IGF2BP3: variants seen among roughly 807,000 people sequenced by gnomAD.
IGF2BP3 encodes the protein insulin-like growth factor 2 mRNA-binding protein 3.
A neutral mutation model predicts 73.8 loss-of-function variants in IGF2BP3; 9 were observed. The observed-to-expected ratio is 0.12, with a 90% CI of 0.07 to 0.21. The LOEUF (loss-of-function observed/expected upper bound fraction) is 0.21. Ranked by LOEUF, IGF2BP3 falls within the 10% of genes least tolerant of loss-of-function variation. IGF2BP3 has a pLI of 1.00. For missense variants in IGF2BP3, 542 were observed against 714.0 expected (o/e 0.76, Z 2.75); for synonymous variants, 258 against 256.7 (o/e 1.01, Z -0.05).
chr7:23,324,082 G>C (rs535799002), intron 10 of IGF2BP3, among the ~76,000 whole-genome samples: 2 of 152,170 alleles, frequency 1.3e-5, no homozygotes, highest in South Asian at 4.2e-4. Flanking sequence ...GAGCAGAACT[G>C]AAGGAAATAG....
At chr7:23,377,803 G>T (rs1785774864) in intron 3 of IGF2BP3, among the ~76,000 whole-genome samples, 1 of 152,124 alleles carries the variant, frequency 6.6e-6, no homozygotes, top group Non-Finnish European at 1.5e-5. Context: ...CTAAAATCTG[G>T]CTGCACCTTG....
At chr7:23,365,163 C>T (rs1275189179) in intron 3 of IGF2BP3, among the ~76,000 whole-genome samples, 1 of 151,962 alleles carries the variant, frequency 6.6e-6, no homozygotes, top group Non-Finnish European at 1.5e-5. Context: ...AAGATTCTGT[C>T]TCAAAATAAA....
At chr7:23,421,032 AAG>A (rs1229466866) in intron 2 of IGF2BP3, among the ~76,000 whole-genome samples, 2 of 152,136 alleles carry the variant, frequency 1.3e-5, no homozygotes, top group Non-Finnish European at 2.9e-5. Context: ...TGTGTGTGAC[AAG>A]AGTCTCGCTC....
At chr7:23,430,157 C>T (rs1271093347) in intron 2 of IGF2BP3, among the ~76,000 whole-genome samples, 3 of 150,756 alleles carry the variant, frequency 2.0e-5, no homozygotes, top group Non-Finnish European at 4.4e-5. Flanking sequence ...GATCTCGGCT[C>T]ACTGCAACCT....
intron 10 of IGF2BP3, 108 bp downstream of exon 10, chr7:23,341,956 C>T: frequency 3.2e-6 from 4 of 1,235,246 alleles, no homozygotes; most frequent in African/African-American, 1.6e-5. Context: ...GCTCCATTAG[C>T]AAGAACTGGA....
At chr7:23,440,003 C>T (rs969982111) in intron 2 of IGF2BP3, among the ~76,000 whole-genome samples, 2 of 152,210 alleles carry the variant, frequency 1.3e-5, no homozygotes, top group Non-Finnish European at 2.9e-5. Context: ...GTGGCTCACA[C>T]CTGTAATCAC....
At position 23,421,132 on chromosome 7, in the gene IGF2BP3, C is replaced by A. The variant is rs141703956; in HGVS notation, c.237-2308G>T. On this transcript the variant is annotated intron_variant, in intron 2 of 14. Coordinates refer to ENST00000258729, the MANE Select transcript of IGF2BP3 (RefSeq NM_006547.3). The stretch of plus-strand genomic sequence containing the variant: ...TCAGGCAATTCTCCCACCTCAGCCT[C>A]CTGCGTAGCTGGGATTGCAGGCATG... Among the ~76,000 whole-genome samples the A allele has an allele frequency of 2.6e-3, 389 of 152,262 alleles. 2 individuals are homozygous for A. Among genetic ancestry groups the A allele is most frequent in the African/African-American group, 9.0e-3 (373 of 41,554 alleles).
chr7:23,355,090 C>A (rs1046474976), intron 5 of IGF2BP3, among the ~76,000 whole-genome samples: 2 of 152,164 alleles, frequency 1.3e-5, no homozygotes, highest in Non-Finnish European at 2.9e-5. Flanking sequence ...TTTCACCAAA[C>A]CCACCGTAGA....
chr7:23,356,028 G>C (rs1344172845), intron 5 of IGF2BP3, among the ~76,000 whole-genome samples: 6 of 151,942 alleles, frequency 3.9e-5, no homozygotes, highest in Non-Finnish European at 7.4e-5. Flanking sequence ...TTGAGGAAGA[G>C]GGGGAAAGAG....
chr7:23,356,664 G>A (rs1359736170), intron 5 of IGF2BP3, among the ~76,000 whole-genome samples: 3 of 152,040 alleles, frequency 2.0e-5, no homozygotes. Flanking sequence ...CACAAAATGA[G>A]GTTTAACCCA....
At chr7:23,327,941 G>A (rs1047273624) in intron 10 of IGF2BP3, among the ~76,000 whole-genome samples, 13 of 152,206 alleles carry the variant, frequency 8.5e-5, no homozygotes, top group East Asian at 1.9e-4. Flanking sequence ...CGTGCCACTC[G>A]CTTGTCCCCC....
intron 10 of IGF2BP3, among the ~76,000 whole-genome samples, chr7:23,335,682 A>C (rs937172265): frequency 3.9e-5 from 6 of 152,116 alleles, no homozygotes; most frequent in African/African-American, 1.4e-4. Context: ...CATTTTGGAG[A>C]CTTCTGAGAA....
intron 2 of IGF2BP3, among the ~76,000 whole-genome samples, chr7:23,421,086 T>C (rs373872198): frequency 1.3e-5 from 2 of 152,196 alleles, no homozygotes; most frequent in Admixed American, 6.5e-5. Context: ...CTCAGCTCAC[T>C]GCAGCCTCTG....
chr7:23,347,573 T>C, intron 7 of IGF2BP3, 27 bp downstream of exon 7: 2 of 1,602,924 alleles, frequency 1.2e-6, no homozygotes, highest in South Asian at 2.2e-5. Context: ...TATCAACCTC[T>C]TTCACAGGAC....
intron 3 of IGF2BP3, among the ~76,000 whole-genome samples, chr7:23,385,114 C>T (rs908526927): frequency 1.2e-4 from 18 of 152,080 alleles, no homozygotes; most frequent in African/African-American, 4.1e-4. Context: ...AGAAGTGTTT[C>T]AATTAATAAA....
intron 2 of IGF2BP3, among the ~76,000 whole-genome samples, chr7:23,468,078 C>T (rs1412990823): frequency 6.6e-6 from 1 of 152,194 alleles, no homozygotes; most frequent in Non-Finnish European, 1.5e-5. Context: ...GGAGGGACCC[C>T]CGCGTGTCCG....
chr7:23,372,894 T>C (rs1291487489), intron 3 of IGF2BP3, among the ~76,000 whole-genome samples: 1 of 152,146 alleles, frequency 6.6e-6, no homozygotes, highest in African/African-American at 2.4e-5. Flanking sequence ...ATGGGCAAGC[T>C]GCAGCACAGA....
chr7:23,317,092 T>A (rs907460875), intron 12 of IGF2BP3, among the ~76,000 whole-genome samples: 2 of 152,198 alleles, frequency 1.3e-5, no homozygotes, highest in Non-Finnish European at 2.9e-5. Flanking sequence ...TCAGTAGACA[T>A]TGAAAGGCAC....
chr7:23,440,878 T>C (rs1299228299), intron 2 of IGF2BP3, among the ~76,000 whole-genome samples: 1 of 152,186 alleles, frequency 6.6e-6, no homozygotes, highest in Non-Finnish European at 1.5e-5. Flanking sequence ...AACATAAGAA[T>C]ACAATATCAG....
Sources: gnomAD v4.1 joint callset for allele counts (sites outside exome capture counted in the v4.1 genomes callset) on GRCh38, gnomAD v4.1.1 for gene constraint, MANE v1.5 for transcripts, NCBI Gene and HGNC (gene_info 2026-07-23, HGNC 2026-07-21) for gene names.